The following INSC variants were observed in gnomAD, a reference collection of about 807,000 sequenced individuals.
INSC encodes INSC spindle orientation adaptor protein, also known as protein inscuteable homolog.
Under a neutral mutation model 58.6 loss-of-function variants are expected in INSC, and 67 were observed. That is an observed-to-expected ratio of 1.14 (90% confidence interval 0.94 to 1.40). The LOEUF (loss-of-function observed/expected upper bound fraction) is 1.40. Ranked by LOEUF, INSC falls within the 40% of genes most tolerant of loss-of-function variation. INSC has a pLI of 0.00. For missense variants in INSC, 714 were observed against 692.0 expected (o/e 1.03, Z -0.36); for synonymous variants, 262 against 276.1 (o/e 0.95, Z 0.51).
chr11:15,227,344 A>T (rs1212706113), intron 9 of INSC, among the ~76,000 whole-genome samples: 2 of 152,174 alleles, frequency 1.3e-5, no homozygotes, highest in East Asian at 3.9e-4. Context: ...GCATCTATTA[A>T]TTGGGACATG....
intron 11 of INSC, among the ~76,000 whole-genome samples, 193 bp from the exon 12 acceptor site, chr11:15,240,254 T>C (rs1312406890): frequency 2.0e-5 from 3 of 152,196 alleles, no homozygotes; most frequent in Non-Finnish European, 2.9e-5. Context: ...TGGCTTGGAC[T>C]CTTCAGCTTG....
Position 15,221,526 on chromosome 11 carries a change from C to A in INSC, c.869C>A (p.Ser290Ter). Residue 290 changes from serine (S) to a stop codon, truncating the protein, a stop_gained, in exon 8 of 13, where the codon TCA becomes TAA. Transcript: ENST00000379556. LOFTEE classifies it high-confidence loss of function. ...GACATCCTGACCGACAACAGCCACTCAGAGGCCACACGGGCTGAGGCTGCG... is the reference window on the plus strand; with the variant it reads ...GACATCCTGACCGACAACAGCCACTAAGAGGCCACACGGGCTGAGGCTGCG... ...LADILTDNSHSEATRAEAAAV... is the reference protein window; with the variant it reads ...LADILTDNSH 1 of 1,613,912 alleles carries A rather than the reference C, an allele frequency of 6.2e-7. No homozygotes were observed. The highest frequency in any genetic ancestry group is 8.5e-7 in the Non-Finnish European group (1 of 1,179,906).
chr11:15,149,015 T>C, intron 1 of INSC, 115 bp from the exon 2 acceptor site: 1 of 1,258,996 alleles, frequency 7.9e-7, no homozygotes, highest in Non-Finnish European at 1.0e-6. Context: ...AGAAGAGGGC[T>C]AAGAAGTCTT....
At chr11:15,159,167 T>G (rs1848927656) in intron 2 of INSC, among the ~76,000 whole-genome samples, 1 of 152,128 alleles carries the variant, frequency 6.6e-6, no homozygotes, top group African/African-American at 2.4e-5. Flanking sequence ...AAATAGAGAA[T>G]CCTCCTTAGG....
chr11:15,162,771 G>A (rs1165190395), intron 2 of INSC, among the ~76,000 whole-genome samples: 1 of 152,154 alleles, frequency 6.6e-6, no homozygotes, highest in African/African-American at 2.4e-5. Context: ...CAGTATGTTG[G>A]CCATGCACTC....
chr11:15,229,982 TATATA>T (rs1851824353), intron 9 of INSC, among the ~76,000 whole-genome samples: 1 of 24,140 alleles, frequency 4.1e-5, no homozygotes, highest in Non-Finnish European at 6.9e-5. Context: ...ATATATATTA[TATATA>T]TATATATATA....
the INSC span, among the ~76,000 whole-genome samples, chr11:15,262,402 T>C: frequency 6.6e-6 from 1 of 152,092 alleles, no homozygotes; most frequent in East Asian, 1.9e-4. Flanking sequence ...ATAATACTTT[T>C]GGATGAAAAC....
chr11:15,262,615 A>G, the INSC span, among the ~76,000 whole-genome samples: 1 of 151,452 alleles, frequency 6.6e-6, no homozygotes, highest in African/African-American at 2.4e-5. Context: ...GATGGCCCTC[A>G]CATGAGTTTT....
At chr11:15,150,941 A>T (rs1354785153) in intron 2 of INSC, among the ~76,000 whole-genome samples, 2 of 152,180 alleles carry the variant, frequency 1.3e-5, no homozygotes, top group Non-Finnish European at 2.9e-5. Flanking sequence ...TAAGCTGTCT[A>T]TGCACCTGTT....
At position 15,178,430 on chromosome 11, in the gene INSC, C is replaced by T. The variant is rs779561005; in HGVS notation, c.562C>T (p.Leu188=). The change falls in exon 5 of 13, where the codon CTG becomes TTG. Residue 188 remains leucine (L), a synonymous_variant. Transcript: ENST00000379556. Reference sequence around the variant, plus strand: ...CTTTGGTCAGCTGCTGGAGCTGGCCCTGACACGGGAGGTTCAGGTCAGTGC... The same window carrying T: ...CTTTGGTCAGCTGCTGGAGCTGGCCTTGACACGGGAGGTTCAGGTCAGTGC... ...QHFGQLLELA[L]TREVQALVRK... The T allele has an allele frequency of 5.6e-6, 9 of 1,611,398 alleles. No individual in the cohort carries two copies. The highest frequency in any genetic ancestry group is 1.7e-4 in the Middle Eastern group (1 of 5,940).
chr11:15,122,126 A>G (rs1428264159), intron 1 of INSC, among the ~76,000 whole-genome samples: 3 of 152,208 alleles, frequency 2.0e-5, no homozygotes, highest in Non-Finnish European at 2.9e-5. Context: ...GAGTTAGGAC[A>G]TATATGTATA....
chr11:15,140,393 G>A (rs1848340433), intron 1 of INSC, among the ~76,000 whole-genome samples: 1 of 152,164 alleles, frequency 6.6e-6, no homozygotes, highest in Non-Finnish European at 1.5e-5. Flanking sequence ...GGAGAACTAA[G>A]GCTCCATTGA....
intron 1 of INSC, among the ~76,000 whole-genome samples, chr11:15,118,834 TTTTA>T (rs1487360295): frequency 6.6e-5 from 10 of 152,208 alleles, no homozygotes; most frequent in Non-Finnish European, 1.2e-4. Flanking sequence ...AGTAACTCAC[TTTTA>T]TTTATTATTG....
intron 7 of INSC, among the ~76,000 whole-genome samples, chr11:15,202,414 T>C (rs1197932165): frequency 6.6e-6 from 1 of 152,172 alleles, no homozygotes; most frequent in Non-Finnish European, 1.5e-5. Flanking sequence ...TCCAGTGGAC[T>C]GTCTGATTGT....
chr11:15,209,966 C>CT (rs1850956352), intron 7 of INSC, among the ~76,000 whole-genome samples: 1 of 152,218 alleles, frequency 6.6e-6, no homozygotes, highest in Non-Finnish European at 1.5e-5. Flanking sequence ...GTTTGCACCA[C>CT]TTAGCCCTGG....
Position 15,183,205 on chromosome 11 carries a change from G to A in INSC, c.579+4758G>A, listed in dbSNP as rs1849840322. 2.0e-5 allele frequency among the ~76,000 whole-genome samples: 3 copies of A among 151,934 alleles called. No individual in the cohort carries two copies. The South Asian group carries it at 6.2e-4, about 32-fold the overall frequency. ...TCTACTAAAAATATAAAAAAAATTA[G>A]CCAGGCATGGTGGCACATGCTTGTA... On this transcript the variant is annotated intron_variant, in intron 5 of 12. Coordinates refer to ENST00000379556, the MANE Select transcript of INSC (RefSeq NM_001042536.3).
chr11:15,209,914 G>A (rs1337707528), intron 7 of INSC, among the ~76,000 whole-genome samples: 2 of 152,100 alleles, frequency 1.3e-5, no homozygotes, highest in Non-Finnish European at 2.9e-5. Context: ...AACATCATAG[G>A]GTCCCTCAAT....
At chr11:15,138,298 A>C (rs1422575869) in intron 1 of INSC, among the ~76,000 whole-genome samples, 3 of 152,264 alleles carry the variant, frequency 2.0e-5, no homozygotes, top group Non-Finnish European at 4.4e-5. Context: ...ACAGAGACAT[A>C]AAGTGAGCAC....
intron 9 of INSC, among the ~76,000 whole-genome samples, chr11:15,234,231 T>G (rs1489823367): frequency 1.3e-5 from 2 of 152,152 alleles, no homozygotes; most frequent in Non-Finnish European, 2.9e-5. Flanking sequence ...AGGCCCCTGA[T>G]GGGGTCTGAG....
Sources: allele counts gnomAD v4.1 joint callset (sites outside exome capture counted in the v4.1 genomes callset), GRCh38; gene constraint gnomAD v4.1.1; transcripts MANE v1.5; gene names NCBI Gene and HGNC (gene_info 2026-07-23, HGNC 2026-07-21).